Variants in CADM1 observed in about 807,000 individuals in gnomAD.
The protein encoded by CADM1 is cell adhesion molecule 1.
In CADM1, 15 loss-of-function variants were observed where a neutral mutation model predicts 53.1. The observed-to-expected ratio is 0.28, with a 90% CI of 0.19 to 0.44. CADM1 has a LOEUF of 0.44. Ranked by LOEUF, CADM1 falls within the 20% of genes least tolerant of loss-of-function variation. CADM1 has a pLI of 1.00. For synonymous variants in CADM1, 281 were observed against 243.0 expected (o/e 1.16, Z -1.45); for missense variants, 434 against 611.3 (o/e 0.71, Z 3.06).
intron 1 of CADM1, among the ~76,000 whole-genome samples, chr11:115,417,849 T>G (rs943093765): frequency 6.6e-6 from 1 of 152,238 alleles, no homozygotes; most frequent in African/African-American, 2.4e-5. Flanking sequence ...CGGGGGCTAC[T>G]GCAGATCATG....
chr11:115,270,201 T>C (rs1472035375), intron 1 of CADM1, among the ~76,000 whole-genome samples: 1 of 152,192 alleles, frequency 6.6e-6, no homozygotes, highest in South Asian at 2.1e-4. Context: ...AGTCTAGATT[T>C]CATATCAGAC....
In CADM1 at chr11:115,229,096, G is replaced by A; in HGVS notation, c.721+17C>T. The A allele has an allele frequency of 3.7e-6, 6 of 1,613,428 alleles. No homozygotes were observed. Among genetic ancestry groups the A allele is most frequent in the Non-Finnish European group, 5.1e-6 (6 of 1,179,768 alleles). The stretch of plus-strand genomic sequence containing the variant: ...CTGCAACTCTACGCCCTCAGAATAA[G>A]ATACCAGGGTACTCACACTGTACTT... On this transcript the variant is annotated intron_variant, in intron 5 of 11. Coordinates refer to ENST00000331581, the MANE Select transcript of CADM1 (RefSeq NM_001301043.2).
intron 1 of CADM1, among the ~76,000 whole-genome samples, chr11:115,412,506 C>T (rs1947484382): frequency 1.3e-5 from 2 of 152,194 alleles, no homozygotes; most frequent in African/African-American, 4.8e-5. Context: ...GCCCCTGAAT[C>T]TGCTTTTTAA....
chr11:115,308,175 G>GTGTA (rs1353212174), intron 1 of CADM1, among the ~76,000 whole-genome samples: 1,318 of 117,394 alleles, frequency 0.011, 29 homozygotes, highest in African/African-American at 0.046. Context: ...GTGTGTGTGT[G>GTGTA]TATATCACTC....
intron 5 of CADM1, among the ~76,000 whole-genome samples, chr11:115,222,184 G>A (rs573275946): frequency 4.6e-5 from 7 of 152,276 alleles, no homozygotes; most frequent in East Asian, 1.9e-4. Flanking sequence ...TCTGGGTAGC[G>A]GGTCTGGGTC....
chr11:115,495,556 C>A lies in CADM1; in HGVS notation c.124+8715G>T, dbSNP rs1490390759. On this transcript the variant is annotated intron_variant, in intron 1 of 11. Transcript: ENST00000331581. ...CAGGTAGACTGAGAAAGAAAGGTTT[C>A]ATTTTTTTGTTTCTTGAGCCAGTGA... 2.0e-5 allele frequency among the ~76,000 whole-genome samples: 3 copies of A among 152,236 alleles called. No homozygotes were observed. In the East Asian group the frequency reaches 5.8e-4, roughly 29 times the overall value.
intron 1 of CADM1, among the ~76,000 whole-genome samples, chr11:115,448,266 TC>T (rs2135342178): frequency 6.6e-6 from 1 of 152,326 alleles, no homozygotes; most frequent in Admixed American, 6.5e-5. Flanking sequence ...CTATCAAAAT[TC>T]CTATATGGTA....
At chr11:115,416,738 T>C (rs2427674) in intron 1 of CADM1, among the ~76,000 whole-genome samples, 6,189 of 134,426 alleles carry the variant, frequency 0.046, 164 homozygotes, top group Middle Eastern at 0.089. Context: ...CACACACAGA[T>C]AGATATTGTA....
intron 1 of CADM1, among the ~76,000 whole-genome samples, chr11:115,300,928 C>T (rs1468027615): frequency 6.6e-6 from 1 of 152,040 alleles, no homozygotes; most frequent in Non-Finnish European, 1.5e-5. Context: ...GGGAGTTTCT[C>T]TAACCATCTA....
intron 1 of CADM1, among the ~76,000 whole-genome samples, chr11:115,472,365 C>G (rs1273586788): frequency 6.6e-6 from 1 of 152,094 alleles, no homozygotes; most frequent in African/African-American, 2.4e-5. Flanking sequence ...TAAATGGGTT[C>G]TCAGAAGGAA....
intron 1 of CADM1, among the ~76,000 whole-genome samples, chr11:115,288,445 T>C (rs1453883236): frequency 6.9e-6 from 1 of 145,962 alleles, no homozygotes; most frequent in East Asian, 2.1e-4. Flanking sequence ...AAATACAGCA[T>C]CACATTTATG....
chr11:115,185,312 A>G (rs2134616304), intron 10 of CADM1, among the ~76,000 whole-genome samples: 1 of 152,318 alleles, frequency 6.6e-6, no homozygotes, highest in Non-Finnish European at 1.5e-5. Context: ...ACACATGGTA[A>G]GATGCCCAAT....
At chr11:115,287,564 G>A (rs1368882655) in intron 1 of CADM1, 2 of 152,234 alleles carry the variant, frequency 1.3e-5, no homozygotes, top group African/African-American at 4.8e-5. Flanking sequence ...GAGACAACCA[G>A]GCAGCTGACA....
chr11:115,343,792 G>A (rs1945507966), intron 1 of CADM1, among the ~76,000 whole-genome samples: 1 of 151,188 alleles, frequency 6.6e-6, no homozygotes, highest in African/African-American at 2.4e-5. Context: ...CTGAGTCTCA[G>A]GCCCAACCAT....
At chr11:115,320,255 G>A (rs549092338) in intron 1 of CADM1, among the ~76,000 whole-genome samples, 1 of 152,136 alleles carries the variant, frequency 6.6e-6, no homozygotes, top group Non-Finnish European at 1.5e-5. Context: ...TAGAGACGAG[G>A]TCTCTCTATG....
intron 1 of CADM1, among the ~76,000 whole-genome samples, chr11:115,266,726 GA>G (rs1943150598): frequency 6.6e-6 from 1 of 152,156 alleles, no homozygotes; most frequent in Non-Finnish European, 1.5e-5. Flanking sequence ...TCAAACCCAA[GA>G]TATCTATATT....
chr11:115,492,268 CATT>C (rs1046204110), intron 1 of CADM1, among the ~76,000 whole-genome samples: 2 of 151,930 alleles, frequency 1.3e-5, no homozygotes, highest in African/African-American at 2.4e-5. Context: ...GAACACTACT[CATT>C]ATATTTTCAA....
intron 1 of CADM1, among the ~76,000 whole-genome samples, chr11:115,278,009 G>A (rs1262188534): frequency 6.6e-6 from 1 of 151,980 alleles, no homozygotes; most frequent in African/African-American, 2.4e-5. Context: ...TACCTATCCT[G>A]TAATTCCCAC....
Position 115,330,538 on chromosome 11 carries a change from C to T in CADM1, c.125-90118G>A, listed in dbSNP as rs72996055. ...AGGACTGCTTTTAAGTCCTTCCCAACGATTGAGTTACATTAATGAGTTTGA... is the reference window on the plus strand; with the variant it reads ...AGGACTGCTTTTAAGTCCTTCCCAATGATTGAGTTACATTAATGAGTTTGA... On this transcript the variant is annotated intron_variant, in intron 1 of 11. Transcript: ENST00000331581. Among the ~76,000 whole-genome samples the T allele has an allele frequency of 4.2e-3, 641 of 152,224 alleles. 1 individual carries two copies. Among genetic ancestry groups the T allele is most frequent in the African/African-American group, 0.013 (534 of 41,516 alleles).
Sources: gnomAD v4.1 joint callset for allele counts (sites outside exome capture counted in the v4.1 genomes callset) on GRCh38, gnomAD v4.1.1 for gene constraint, MANE v1.5 for transcripts, NCBI Gene and HGNC (gene_info 2026-07-23, HGNC 2026-07-21) for gene names.